The following USH2A variants were observed in gnomAD, a reference collection of about 807,000 sequenced individuals.
USH2A encodes Usher syndrome 2A (autosomal recessive, mild).
Under a neutral mutation model 538.9 loss-of-function variants are expected in USH2A, and 443 were observed. That is an observed-to-expected ratio of 0.82 (90% CI 0.76 to 0.89). USH2A has a LOEUF of 0.89. Ranked by LOEUF, USH2A falls within the 40% of genes least tolerant of loss-of-function variation. USH2A has a pLI of 0.00. For synonymous variants in USH2A, 2,413 were observed against 2,273.5 expected (o/e 1.06, Z -1.75); for missense variants, 6,633 against 6,324.8 (o/e 1.05, Z -1.65).
intron 61 of USH2A, among the ~76,000 whole-genome samples, chr1:215,720,910 A>G (rs1659638585): frequency 6.6e-6 from 1 of 152,126 alleles, no homozygotes; most frequent in South Asian, 2.1e-4. Context: ...TTATTGAGTA[A>G]AGCTCTGTTC....
At chr1:216,240,430 G>A (rs1489259979) in intron 13 of USH2A, among the ~76,000 whole-genome samples, 1 of 150,660 alleles carries the variant, frequency 6.6e-6, no homozygotes, top group African/African-American at 2.4e-5. Context: ...TGTGTTTGCA[G>A]ATTTTCTCAG....
At chr1:216,287,036 A>C (rs1465542305) in intron 11 of USH2A, among the ~76,000 whole-genome samples, 1 of 152,234 alleles carries the variant, frequency 6.6e-6, no homozygotes, top group Non-Finnish European at 1.5e-5. Flanking sequence ...CAGATGTAAA[A>C]TCCTTAGCAA....
At chr1:215,917,073 T>C (rs1044969032) in intron 38 of USH2A, among the ~76,000 whole-genome samples, 1 of 152,144 alleles carries the variant, frequency 6.6e-6, no homozygotes, top group Non-Finnish European at 1.5e-5. Flanking sequence ...TCAACTAGAA[T>C]GTAGAACTGT....
intron 61 of USH2A, among the ~76,000 whole-genome samples, chr1:215,707,102 G>A (rs1431052923): frequency 6.6e-6 from 1 of 152,038 alleles, no homozygotes; most frequent in African/African-American, 2.4e-5. Flanking sequence ...GGACAAAATG[G>A]GAACAAAATT....
chr1:215,815,412 T>C (rs1204060206), intron 48 of USH2A, among the ~76,000 whole-genome samples: 7 of 152,042 alleles, frequency 4.6e-5, no homozygotes, highest in African/African-American at 1.4e-4. Context: ...TATGATTTTT[T>C]TTTTTTTGTA....
Position 216,070,170 on chromosome 1 carries a change from C to T in USH2A, c.5980G>A (p.Glu1994Lys), listed in dbSNP as rs147023536. The T allele has an allele frequency of 5.1e-5, 83 of 1,614,022 alleles. No individual in the cohort carries two copies. The African/African-American group carries it at 9.6e-4, about 19-fold the overall frequency. Reference protein sequence around the residue: ...IEKYILKAYSEDSTRPPRMPS... With the variant: ...IEKYILKAYSKDSTRPPRMPS... ...ATGCGGGGTGGACGGGTGCTGTCCTCACTATAGGCTTTCAGAATGTACTTC... is the reference window on the plus strand; with the variant it reads ...ATGCGGGGTGGACGGGTGCTGTCCTTACTATAGGCTTTCAGAATGTACTTC... Residue 1994 changes from glutamate to lysine, a missense_variant, in exon 30 of 72, where the codon GAG becomes AAG. Physicochemically the swap from Glu to Lys is moderately conservative, Grantham distance 56. Transcript: ENST00000307340.
intron 56 of USH2A, among the ~76,000 whole-genome samples, chr1:215,762,810 G>A (rs1304351794): frequency 6.6e-6 from 1 of 152,142 alleles, no homozygotes; most frequent in East Asian, 1.9e-4. Flanking sequence ...TAGTAGGGAG[G>A]GAAGTAACCT....
intron 21 of USH2A, among the ~76,000 whole-genome samples, chr1:216,137,314 T>TA (rs1402866742): frequency 1.3e-5 from 2 of 152,100 alleles, no homozygotes; most frequent in South Asian, 2.1e-4. Flanking sequence ...TAATTGGACT[T>TA]ACAGTACTAC....
chr1:216,408,329 A>C (rs1012860019), intron 3 of USH2A, among the ~76,000 whole-genome samples: 3 of 152,172 alleles, frequency 2.0e-5, no homozygotes, highest in Admixed American at 2.0e-4. Context: ...AACTCTTTTT[A>C]AGCGTATACA....
At chr1:215,853,279 A>T (rs11120669) in intron 44 of USH2A, among the ~76,000 whole-genome samples, 22,790 of 152,182 alleles carry the variant, frequency 0.15, 2,019 homozygotes, top group African/African-American at 0.24. Flanking sequence ...CAAGCTCTAC[A>T]TTGGGGCCTT....
At chr1:215,853,740 G>A (rs899570487) in intron 44 of USH2A, among the ~76,000 whole-genome samples, 2 of 152,074 alleles carry the variant, frequency 1.3e-5, no homozygotes, top group South Asian at 2.1e-4. Context: ...TCTAGGGCAG[G>A]GGCAAAATGC....
intron 30 of USH2A, among the ~76,000 whole-genome samples, chr1:216,054,051 T>C (rs2030888459): frequency 6.6e-6 from 1 of 152,194 alleles, no homozygotes; most frequent in Non-Finnish European, 1.5e-5. Context: ...TCACAGTGAT[T>C]TGGGAATTCC....
At chr1:216,005,914 C>A (rs1337345178) in intron 32 of USH2A, among the ~76,000 whole-genome samples, 1 of 151,822 alleles carries the variant, frequency 6.6e-6, no homozygotes, top group Admixed American at 6.6e-5. Flanking sequence ...ATATTTATAT[C>A]ATAGATGGAG....
chr1:215,766,668 A>G lies in USH2A; in HGVS notation c.11047+13T>C. The G allele has an allele frequency of 6.2e-7, 1 of 1,610,376 alleles. No homozygotes were observed. The highest frequency in any genetic ancestry group is 8.5e-7 in the Non-Finnish European group (1 of 1,176,756). ...AAATTTCTTCCCTCAAACCATGGATATTGTTTCATTACCTTCAGGAGCTGC... is the reference window on the plus strand; with the variant it reads ...AAATTTCTTCCCTCAAACCATGGATGTTGTTTCATTACCTTCAGGAGCTGC... On this transcript the variant is annotated intron_variant, in intron 56 of 71. Transcript: ENST00000307340.
chr1:216,065,428 G>C (rs912073683), intron 30 of USH2A, among the ~76,000 whole-genome samples: 1 of 152,088 alleles, frequency 6.6e-6, no homozygotes, highest in Non-Finnish European at 1.5e-5. Context: ...AACATTTTAA[G>C]GGTGTTATAT....
At chr1:216,242,983 T>C (rs367869156) in intron 13 of USH2A, among the ~76,000 whole-genome samples, 2 of 152,130 alleles carry the variant, frequency 1.3e-5, no homozygotes, top group East Asian at 1.9e-4. Flanking sequence ...CAGAAGAAAA[T>C]GATTTCTCAG....
intron 11 of USH2A, among the ~76,000 whole-genome samples, chr1:216,286,805 C>T (rs925711440): frequency 2.6e-5 from 4 of 152,056 alleles, no homozygotes; most frequent in Non-Finnish European, 5.9e-5. Context: ...CCCAGCAGTA[C>T]AAAAATGGAC....
At chr1:215,702,585 C>A (rs1454740355) in intron 61 of USH2A, among the ~76,000 whole-genome samples, 1 of 151,516 alleles carries the variant, frequency 6.6e-6, no homozygotes, top group African/African-American at 2.4e-5. Flanking sequence ...CTCTGATATC[C>A]TTTCTTCTGC....
intron 21 of USH2A, among the ~76,000 whole-genome samples, chr1:216,137,048 A>G (rs138092035): frequency 1.3e-5 from 2 of 152,332 alleles, no homozygotes; most frequent in African/African-American, 4.8e-5. Flanking sequence ...TATTGGATGA[A>G]TAACCCCATT....
Sources: allele counts gnomAD v4.1 joint callset (sites outside exome capture counted in the v4.1 genomes callset), GRCh38; gene constraint gnomAD v4.1.1; transcripts MANE v1.5; gene names NCBI Gene and HGNC (gene_info 2026-07-23, HGNC 2026-07-21).